The following NPNT variants were observed in gnomAD, a reference collection of about 807,000 sequenced individuals.
The protein encoded by NPNT is nephronectin.
Under a neutral mutation model 68.6 loss-of-function variants are expected in NPNT, and 45 were observed. The observed-to-expected ratio is 0.66, with a 90% CI of 0.52 to 0.84. NPNT has a LOEUF of 0.84. Ranked by LOEUF, NPNT falls within the 40% of genes least tolerant of loss-of-function variation. The pLI, the probability that NPNT is intolerant of heterozygous loss-of-function variation, is 0.00. For synonymous variants in NPNT, 233 were observed against 253.3 expected (o/e 0.92, Z 0.76); for missense variants, 672 against 714.8 (o/e 0.94, Z 0.68).
chr4:105,931,668 C>CAAAAAAAAAA (rs59960189), intron 3 of NPNT, among the ~76,000 whole-genome samples: 18 of 99,900 alleles, frequency 1.8e-4, no homozygotes, highest in African/African-American at 3.3e-4. Flanking sequence ...ACTAAAAATA[C>CAAAAAAAAAA]AAAAAAAAAA....
chr4:105,960,782 G>GTGTA (rs201204694), intron 10 of NPNT, among the ~76,000 whole-genome samples: 4 of 150,432 alleles, frequency 2.7e-5, no homozygotes, highest in African/African-American at 9.9e-5. Flanking sequence ...GTGTGTGTGT[G>GTGTA]TATACAATAT....
intron 2 of NPNT, chr4:105,911,688 C>A (rs1421755902): frequency 1.3e-5 from 2 of 153,192 alleles, no homozygotes; most frequent in East Asian, 3.8e-4. Context: ...ATATTTCCTC[C>A]CCAAAGTTGG....
intron 2 of NPNT, among the ~76,000 whole-genome samples, chr4:105,924,046 C>A (rs1013927913): frequency 9.9e-5 from 15 of 151,764 alleles, no homozygotes; most frequent in East Asian, 1.9e-4. Flanking sequence ...TGCGCCCCCC[C>A]CCCACCACTT....
At chr4:105,943,731 A>G (rs1055565694) in intron 8 of NPNT, among the ~76,000 whole-genome samples, 4 of 152,132 alleles carry the variant, frequency 2.6e-5, no homozygotes, top group Non-Finnish European at 5.9e-5. Flanking sequence ...TCCTTTATAC[A>G]TTACCAGTTT....
chr4:105,898,238 G>A, intron 2 of NPNT: 1 of 311,430 alleles, frequency 3.2e-6, no homozygotes, highest in Non-Finnish European at 5.8e-6. Flanking sequence ...GTTTCTTTTA[G>A]CATTTTTCCC....
intron 3 of NPNT, among the ~76,000 whole-genome samples, chr4:105,930,846 C>T (rs1192332902): frequency 6.6e-6 from 1 of 152,180 alleles, no homozygotes; most frequent in East Asian, 1.9e-4. Flanking sequence ...CCAGGGCAAG[C>T]TGCATTTTGG....
chr4:105,941,341 C>G (rs897878498), intron 7 of NPNT, among the ~76,000 whole-genome samples: 21 of 151,898 alleles, frequency 1.4e-4, no homozygotes, highest in Non-Finnish European at 5.9e-5. Context: ...GAGAGCGAGA[C>G]CTGTCTCAAA....
chr4:105,952,146 C>T (rs769091899), intron 8 of NPNT, among the ~76,000 whole-genome samples: 13 of 152,164 alleles, frequency 8.5e-5, no homozygotes, highest in Non-Finnish European at 1.6e-4. Flanking sequence ...CATAAAAAGA[C>T]AGCCTATGCT....
At chr4:105,917,438 A>C (rs565535413) in intron 2 of NPNT, among the ~76,000 whole-genome samples, 1 of 152,074 alleles carries the variant, frequency 6.6e-6, no homozygotes, top group Non-Finnish European at 1.5e-5. Flanking sequence ...CACCTTGTAC[A>C]CCTGTCATGT....
chr4:105,922,897 C>A (rs1443466234), intron 2 of NPNT, among the ~76,000 whole-genome samples: 2 of 152,064 alleles, frequency 1.3e-5, no homozygotes, highest in Non-Finnish European at 2.9e-5. Context: ...TTTACTTAAG[C>A]TTTATTAAGT....
chr4:105,950,606 T>A (rs1401343248), intron 8 of NPNT, among the ~76,000 whole-genome samples: 4 of 151,792 alleles, frequency 2.6e-5, no homozygotes, highest in Non-Finnish European at 5.9e-5. Flanking sequence ...CCCAGCTAAT[T>A]TTTTTTGTAA....
At chr4:105,968,001 G>A (rs982381218) in intron 11 of NPNT, among the ~76,000 whole-genome samples, 14 of 152,146 alleles carry the variant, frequency 9.2e-5, no homozygotes, top group Non-Finnish European at 8.8e-5. Context: ...GAAGTGCTTT[G>A]ATGGAATATA....
chr4:105,922,858 C>T (rs1338354437), intron 2 of NPNT, among the ~76,000 whole-genome samples: 5 of 152,096 alleles, frequency 3.3e-5, no homozygotes, highest in South Asian at 2.1e-4. Flanking sequence ...GTCTATCATT[C>T]GTTGATTATC....
chr4:105,966,363 G>A (rs905570179), intron 10 of NPNT, among the ~76,000 whole-genome samples: 1 of 152,150 alleles, frequency 6.6e-6, no homozygotes, highest in Non-Finnish European at 1.5e-5. Flanking sequence ...CTTAACAACA[G>A]AGGGAAGAAA....
chr4:105,947,219 CT>C (rs1234937960), intron 8 of NPNT, among the ~76,000 whole-genome samples: 1 of 152,136 alleles, frequency 6.6e-6, no homozygotes, highest in Non-Finnish European at 1.5e-5. Context: ...CCTAAAATCG[CT>C]GTTATTGTGT....
chr4:105,938,353 A>G lies in NPNT; in HGVS notation c.438A>G (p.Lys146=). Reference sequence around the variant, plus strand: ...GTCAGTATGGCTGTGATGTTGTTAAAGGACAAATACGGTGCCAGTGCCCAT... The same window carrying G: ...GTCAGTATGGCTGTGATGTTGTTAAGGGACAAATACGGTGCCAGTGCCCAT... ...ANCQYGCDVV[K]GQIRCQCPSP... is the part of the protein sequence containing the mutation. Residue 146 remains lysine, a synonymous_variant, in exon 5 of 12, where the codon AAA becomes AAG. Coordinates refer to ENST00000379987, the MANE Select transcript of NPNT (RefSeq NM_001033047.3). The G allele has an allele frequency of 6.2e-7, 1 of 1,613,788 alleles. No individual in the cohort carries two copies. Among genetic ancestry groups the G allele is most frequent in the Non-Finnish European group, 8.5e-7 (1 of 1,179,798 alleles).
chr4:105,955,054 C>T (rs2149395591), intron 8 of NPNT, among the ~76,000 whole-genome samples: 1 of 152,292 alleles, frequency 6.6e-6, no homozygotes, highest in South Asian at 2.1e-4. Context: ...GATGCATGGA[C>T]AGATGGTGGA....
chr4:105,938,979 T>C (rs1015659684), intron 5 of NPNT, among the ~76,000 whole-genome samples: 2 of 152,124 alleles, frequency 1.3e-5, no homozygotes, highest in Admixed American at 1.3e-4. Flanking sequence ...TTGAATGAGA[T>C]CATGGATGCA....
chr4:105,929,232 G>A (rs542798192), intron 3 of NPNT, among the ~76,000 whole-genome samples: 9 of 152,096 alleles, frequency 5.9e-5, no homozygotes, highest in East Asian at 5.8e-4. Context: ...TTAAGACACC[G>A]TTTTTACAAT....
Sources: gnomAD v4.1 joint callset for allele counts (sites outside exome capture counted in the v4.1 genomes callset) on GRCh38, gnomAD v4.1.1 for gene constraint, MANE v1.5 for transcripts, NCBI Gene and HGNC (gene_info 2026-07-23, HGNC 2026-07-21) for gene names.